Variants in ZNF623 observed in about 807,000 individuals in gnomAD.
ZNF623 encodes zinc finger protein 623.
In ZNF623, 16 loss-of-function variants were observed where a neutral mutation model predicts 24.0. The ratio of observed to expected loss-of-function variants is 0.67; its 90% CI spans 0.45 to 1.01. ZNF623 has a LOEUF of 1.01. ZNF623 is among the 50% of genes least tolerant of loss of function. The pLI is 0.00. For missense variants in ZNF623, 566 were observed against 606.5 expected (o/e 0.93, Z 0.70); for synonymous variants, 224 against 219.8 (o/e 1.02, Z -0.17).
At chr8:143,637,497 G>A (rs568017837) in intron 1 of ZNF623, among the ~76,000 whole-genome samples, 2 of 152,112 alleles carry the variant, frequency 1.3e-5, no homozygotes, top group Non-Finnish European at 2.9e-5. Context: ...TGTGGCTGCT[G>A]ATGATACACA....
rs372418570 is a variant in ZNF623 at position 143,645,811 on chromosome 8, G to A, written c.-95-4087G>A. ...CCTATCCGGGGCTGGTTCTCACCTC[G>A]CACCCTGAGCTGCCAGGATAGGCTC... On this transcript the variant is annotated intron_variant, in intron 1 of 1. Coordinates refer to ENST00000526926, the MANE Select transcript of ZNF623 (RefSeq NM_001261843.2). Among the ~76,000 whole-genome samples, 7 of 152,224 alleles carry A rather than the reference G, an allele frequency of 4.6e-5. No individual in the cohort carries two copies. In the East Asian group the frequency reaches 7.7e-4, roughly 17 times the overall value.
chr8:143,636,759 G>C (rs1814934610), intron 1 of ZNF623, among the ~76,000 whole-genome samples: 1 of 152,240 alleles, frequency 6.6e-6, no homozygotes, highest in Non-Finnish European at 1.5e-5. Flanking sequence ...GGGAGAGGTG[G>C]TGTGGCTACG....
At chr8:143,642,292 G>A (rs1163671573) in intron 1 of ZNF623, among the ~76,000 whole-genome samples, 1 of 152,084 alleles carries the variant, frequency 6.6e-6, no homozygotes, top group East Asian at 1.9e-4. Flanking sequence ...CACCCGTCTC[G>A]GCCTTCATAG....
In ZNF623 at chr8:143,650,598, A is replaced by G. The variant is rs1441074896; in HGVS notation, c.606A>G (p.Lys202=). The G allele has an allele frequency of 3.1e-6, 5 of 1,614,044 alleles. No individual in the cohort carries two copies. The African/African-American group carries it at 4.0e-5, about 13-fold the overall frequency. Residue 202 remains lysine, a synonymous_variant, in exon 2 of 2, where the codon AAA becomes AAG. Transcript: ENST00000526926. This position sits in a 1 kb window ranked among gnomAD's most constrained non-coding sequence, Gnocchi z 5.2. Reference sequence around the variant, plus strand: ...CTTTTGAATGCAAAGAGTGTGGGAAAGGCTTCAGTCAGAGCTCCTTACTTA... The same window carrying G: ...CTTTTGAATGCAAAGAGTGTGGGAAGGGCTTCAGTCAGAGCTCCTTACTTA... ...ERPFECKECG[K]GFSQSSLLIR...
chr8:143,642,854 G>A (rs144507803), intron 1 of ZNF623, among the ~76,000 whole-genome samples: 90 of 152,282 alleles, frequency 5.9e-4, no homozygotes, highest in Middle Eastern at 3.4e-3. Context: ...GCATGGGTGT[G>A]GAGGGCAGAG....
rs141269563 is a variant in ZNF623, at chr8:143,642,016, T to A, written c.-96+5871T>A. On this transcript the variant is annotated intron_variant, in intron 1 of 1. Coordinates refer to ENST00000526926, the MANE Select transcript of ZNF623 (RefSeq NM_001261843.2). ...GAGAGTCAGCCTGTCCTTTTCAATC[T>A]TTGAAGCCAGGCATTGACTTCTCTC... Among the ~76,000 whole-genome samples the A allele has an allele frequency of 2.8e-3, 425 of 152,336 alleles. 2 individuals carry two copies. Among genetic ancestry groups the A allele is most frequent in the African/African-American group, 9.6e-3 (401 of 41,578 alleles).
In ZNF623 at chr8:143,651,344, A is replaced by C. The variant is rs781105062; in HGVS notation, c.1352A>C (p.Gln451Pro). Residue 451 changes from glutamine to proline, a missense_variant, in exon 2 of 2, where the codon CAG becomes CCG. Physicochemically the swap from Gln to Pro is moderately conservative, Grantham distance 76. Transcript: ENST00000526926. Reference protein sequence around the residue: ...HTEEKLYECSQYGRDFNSTTN... With the variant: ...HTEEKLYECSPYGRDFNSTTN... ...GAAGAGAAGCTCTATGAATGTAGTCAGTATGGGAGAGATTTTAACTCAACT... is the reference window on the plus strand; with the variant it reads ...GAAGAGAAGCTCTATGAATGTAGTCCGTATGGGAGAGATTTTAACTCAACT... 5 of 1,614,134 alleles carry C rather than the reference A, an allele frequency of 3.1e-6. No homozygotes were observed. In the African/African-American group the frequency reaches 6.7e-5, roughly 22 times the overall value.
At chr8:143,637,291 C>G (rs1485664885) in intron 1 of ZNF623, among the ~76,000 whole-genome samples, 1 of 152,202 alleles carries the variant, frequency 6.6e-6, no homozygotes, top group Non-Finnish European at 1.5e-5. Flanking sequence ...ACGTCTCACT[C>G]GGTTGCCCTC....
chr8:143,649,344 C>T (rs1253137631), intron 1 of ZNF623, among the ~76,000 whole-genome samples: 9 of 151,728 alleles, frequency 5.9e-5, no homozygotes, highest in East Asian at 1.9e-4. Flanking sequence ...AACACAACCT[C>T]GTTTTAACCA....
chr8:143,640,944 A>T (rs1021174795), intron 1 of ZNF623, among the ~76,000 whole-genome samples: 5 of 6,188 alleles, frequency 8.1e-4, no homozygotes, highest in South Asian at 0.042. Flanking sequence ...CTGTCTTTAA[A>T]AAAAAAAAAA....
intron 1 of ZNF623, among the ~76,000 whole-genome samples, chr8:143,636,806 C>T (rs915781863): frequency 2.0e-4 from 31 of 152,304 alleles, no homozygotes; most frequent in Non-Finnish European, 3.4e-4. Context: ...CTTTTCCCTT[C>T]GCGTCTTTAA....
At chr8:143,642,098 C>A (rs1015380784) in intron 1 of ZNF623, among the ~76,000 whole-genome samples, 2 of 152,234 alleles carry the variant, frequency 1.3e-5, no homozygotes, top group African/African-American at 4.8e-5. Context: ...TTTATCCACA[C>A]TGAAAATCTT....
intron 1 of ZNF623, among the ~76,000 whole-genome samples, chr8:143,638,808 A>G (rs1019683032): frequency 1.3e-5 from 2 of 152,164 alleles, no homozygotes; most frequent in African/African-American, 4.8e-5. Context: ...GTTTCCAGGT[A>G]GTATAACAGC....
At position 143,638,901 on chromosome 8, in the gene ZNF623, C is replaced by CT. The variant is rs76465467; in HGVS notation, c.-96+2764dup. 2.6e-5 allele frequency among the ~76,000 whole-genome samples: 4 copies of CT among 151,808 alleles called. No individual in the cohort carries two copies. In the South Asian group the frequency reaches 6.2e-4, roughly 24 times the overall value. On this transcript the variant is annotated intron_variant, in intron 1 of 1. Transcript: ENST00000526926. Reference sequence around the variant, plus strand: ...TCTCCACCCCACCGTTCTCCCACTTCTTTTTTTTGAGATAGAGGTTTGCTC... The same window carrying CT: ...TCTCCACCCCACCGTTCTCCCACTTCTTTTTTTTTGAGATAGAGGTTTGCTC...
Position 143,636,070 on chromosome 8 carries a change from G to A in ZNF623, c.-171G>A, listed in dbSNP as rs2131434558. On this transcript the variant is annotated 5_prime_UTR_variant, in exon 1 of 2. The change creates a new upstream start codon in the 5' untranslated region. Transcript: ENST00000526926. ...CGGTGCAGGCTTTGTCGGCTGATCT[G>A]TGGGGCCCGCGCCGGCGGGGTCCAG... 1 of 152,432 alleles carries A rather than the reference G, an allele frequency of 6.6e-6. No homozygotes were observed. Among genetic ancestry groups the A allele is most frequent in the South Asian group, 2.1e-4 (1 of 4,832 alleles). The allele number at this position is 152,432 out of a possible 1,614,324, so 9.4% of individuals were successfully genotyped here.
intron 1 of ZNF623, among the ~76,000 whole-genome samples, chr8:143,642,951 A>G (rs556797732): frequency 5.6e-4 from 85 of 152,322 alleles, no homozygotes; most frequent in African/African-American, 1.9e-3. Context: ...TGGTACTGTC[A>G]TGAAGAGACT....
rs935017023 is a variant in ZNF623, at chr8:143,651,720, G to A, written c.*237G>A. ...CCTGACTCTGAGCTGGAACAGTAGG[G>A]GCAGGGAGAAGACAGGTCTCAAGAA... On this transcript the variant is annotated 3_prime_UTR_variant, in exon 2 of 2. Coordinates refer to ENST00000526926, the MANE Select transcript of ZNF623 (RefSeq NM_001261843.2). 4.2e-6 allele frequency: 2 copies of A among 478,582 alleles called. No homozygotes were observed. The highest frequency in any genetic ancestry group is 7.5e-6 in the Non-Finnish European group (2 of 265,492). 29.6% of individuals were successfully genotyped at this position (478,582 alleles called of 1,614,324 possible).
At chr8:143,648,622 T>C (rs1271166795) in intron 1 of ZNF623, among the ~76,000 whole-genome samples, 17 of 151,676 alleles carry the variant, frequency 1.1e-4, no homozygotes, top group Non-Finnish European at 1.5e-5. Flanking sequence ...GACTTCAGGA[T>C]GGAGGAGAGG....
intron 1 of ZNF623, among the ~76,000 whole-genome samples, chr8:143,646,567 G>GTGTGTGTGTGCA (rs759532267): frequency 2.6e-5 from 4 of 151,934 alleles, no homozygotes; most frequent in Non-Finnish European, 5.9e-5. Context: ...GTGTGTGTGT[G>GTGTGTGTGTGCA]TGCATGCATG....
Sources: gnomAD v4.1 joint callset for allele counts (sites outside exome capture counted in the v4.1 genomes callset) on GRCh38, gnomAD v4.1.1 for gene constraint, Gnocchi (gnomAD v3.1) non-coding constraint, MANE v1.5 for transcripts, NCBI Gene and HGNC (gene_info 2026-07-23, HGNC 2026-07-21) for gene names.